ROBO3: variants seen among roughly 807,000 people sequenced by gnomAD.
ROBO3 encodes the protein roundabout guidance receptor 3, also known as roundabout homolog 3.
Under a neutral mutation model 160.5 loss-of-function variants are expected in ROBO3, and 97 were observed. The observed-to-expected ratio is 0.60, with a 90% CI of 0.51 to 0.72. ROBO3 has a LOEUF of 0.72. ROBO3 is among the 30% of genes least tolerant of loss of function. ROBO3 has a pLI of 0.00. For missense variants in ROBO3, 1,858 were observed against 1,846.5 expected, an observed-to-expected ratio of 1.01 and a Z score of -0.11; for synonymous variants, 780 against 746.2, an observed-to-expected ratio of 1.05 and a Z score of -0.74.
At position 124,873,672 on chromosome 11, in the gene ROBO3, A is replaced by C. The variant is rs1946309322; in HGVS notation, c.1619-25A>C. The C allele has an allele frequency of 9.5e-6, 15 of 1,583,738 alleles. No individual in the cohort carries two copies. The highest frequency in any genetic ancestry group is 1.4e-5 in the African/African-American group (1 of 73,862). The stretch of plus-strand genomic sequence containing the variant: ...AGGATTATCCTTTCCCTATCTTTCT[A>C]CTTAAAGATTATCTCCCACTGCAGA... On this transcript the variant is annotated intron_variant, in intron 10 of 27. Coordinates refer to ENST00000397801, the MANE Select transcript of ROBO3 (RefSeq NM_022370.4). The surrounding 1 kb of genome is among the most constrained non-coding windows in gnomAD (Gnocchi z 4.5).
Position 124,874,912 on chromosome 11 carries a change from G to A in ROBO3, c.2073+3G>A. On this transcript the variant is annotated splice_donor_region_variant and intron_variant, in intron 13 of 27. Transcript: ENST00000397801. Reference sequence around the variant, plus strand: ...GGACCCTGCAGGTGTCCTGGACTGTGAGTGTGGTATGGGGAGGAGATTCAG... The same window carrying A: ...GGACCCTGCAGGTGTCCTGGACTGTAAGTGTGGTATGGGGAGGAGATTCAG... The A allele has an allele frequency of 6.2e-7, 1 of 1,604,276 alleles. No individual in the cohort carries two copies. Among genetic ancestry groups the A allele is most frequent in the Non-Finnish European group, 8.5e-7 (1 of 1,175,580 alleles).
intron 4 of ROBO3, 39 bp from the exon 5 acceptor site, chr11:124,870,126 T>C: frequency 6.2e-7 from 1 of 1,614,040 alleles, no homozygotes; most frequent in Non-Finnish European, 8.5e-7. Context: ...TAAGTAGCCG[T>C]GCAGACACCC....
Position 124,870,716 on chromosome 11 carries a change from C to G in ROBO3, c.1021C>G (p.Leu341Val). 6.2e-7 allele frequency: 1 copy of G among 1,611,696 alleles called. No homozygotes were observed. Among genetic ancestry groups the G allele is most frequent in the South Asian group, 1.1e-5 (1 of 90,384 alleles). The change falls in exon 6 of 28, where the codon CTC (leucine) becomes GTC (valine). Residue 341 changes from leucine to valine, a missense_variant. By Grantham distance (32) the Leu-to-Val change is conservative (BLOSUM62 1). Transcript: ENST00000397801. ...SVGRAEASGS[L>V]SVHVPPQLVT... ...GGGCCGCGCTGAAGCATCTGGCTCCCTCAGTGTTCACGGTGAGGGCTGTAC... is the reference window on the plus strand; with the variant it reads ...GGGCCGCGCTGAAGCATCTGGCTCCGTCAGTGTTCACGGTGAGGGCTGTAC...
At chr11:124,866,509 G>T (rs1946198579) in intron 1 of ROBO3, among the ~76,000 whole-genome samples, 1 of 152,212 alleles carries the variant, frequency 6.6e-6, no homozygotes. Context: ...TTCGCGTGTG[G>T]TTCCCTCCAG....
rs765703384 is a variant in ROBO3 at position 124,869,874 on chromosome 11, TAC to T, written c.646-70_646-69del. On this transcript the variant is annotated intron_variant, in intron 3 of 27. Transcript: ENST00000397801. The surrounding 1 kb of genome is among the most constrained non-coding windows in gnomAD (Gnocchi z 4.2). ...CAAATAAACTTTATACATATGTATA[TAC>T]ACATATATTCACCATATATATATAC... The T allele has an allele frequency of 1.1e-4, 174 of 1,521,624 alleles. No individual in the cohort carries two copies. The highest frequency in any genetic ancestry group is 3.5e-4 in the Middle Eastern group (2 of 5,720). 94.3% of individuals were successfully genotyped at this position (1,521,624 alleles called of 1,614,324 possible).
At position 124,879,915 on chromosome 11, in the gene ROBO3, C is replaced by T. The variant is rs2135348668; in HGVS notation, c.3925C>T (p.Pro1309Ser). 6.2e-7 allele frequency: 1 copy of T among 1,600,316 alleles called. No individual in the cohort carries two copies. The highest frequency in any genetic ancestry group is 8.5e-7 in the Non-Finnish European group (1 of 1,174,088). The change falls in exon 26 of 28, where the codon CCC becomes TCC. Residue 1309 changes from proline (P) to serine (S), a missense_variant. Transcript: ENST00000397801. The part of the protein sequence containing the change: ...SGERKAVQAV[P>S]LAAQRVLHPD... ...GGAGAGGAAAGCGGTCCAGGCCGTG[C>T]CCCTGGCAGCCCAGCGGGTGCTCCA...
Position 124,870,252 on chromosome 11 carries a change from C to A in ROBO3, c.854C>A (p.Pro285His). ...VTFLCEVKGDPPPRLRWRKED... is the reference protein window; with the variant it reads ...VTFLCEVKGDHPPRLRWRKED... ...TTCCTATGTGAGGTGAAGGGGGATC[C>A]CCCACCTCGTCTACGCTGGCGCAAG... Residue 285 changes from proline to histidine, a missense_variant, in exon 5 of 28, where the codon CCC becomes CAC. Transcript: ENST00000397801. 1.2e-6 allele frequency: 2 copies of A among 1,613,984 alleles called. No homozygotes were observed. The highest frequency in any genetic ancestry group is 1.7e-6 in the Non-Finnish European group (2 of 1,179,890).
In ROBO3 at chr11:124,870,006, TGTGCGTA is replaced by T. The variant is rs1946258385; in HGVS notation, c.706_712del (p.Cys236ProfsTer28). On this transcript the variant is annotated frameshift_variant, in exon 4 of 28. Coordinates refer to ENST00000397801, the MANE Select transcript of ROBO3 (RefSeq NM_022370.4). LOFTEE classifies it high-confidence loss of function. ...CTCAAGAGCGATGCAGGCATGTATG[TGTGCGTA>T]GCCTCCAACATGGCGGGAGAACGGG... is the stretch of plus-strand genomic sequence containing the variant. The T allele has an allele frequency of 6.2e-7, 1 of 1,613,810 alleles. No homozygotes were observed. The highest frequency in any genetic ancestry group is 1.7e-5 in the Admixed American group (1 of 60,006).
At position 124,873,777 on chromosome 11, in the gene ROBO3, A is replaced by C. The variant is rs763152771; in HGVS notation, c.1699A>C (p.Ile567Leu). 1.2e-6 allele frequency: 2 copies of C among 1,613,940 alleles called. No homozygotes were observed. Among genetic ancestry groups the C allele is most frequent in the East Asian group, 2.2e-5 (1 of 44,888 alleles). The change falls in exon 11 of 28, where the codon ATC (isoleucine) becomes CTC (leucine). Residue 567 changes from isoleucine (I) to leucine (L), a missense_variant. Physicochemically the swap from Ile to Leu is conservative, Grantham distance 5 (BLOSUM62 2). Transcript: ENST00000397801. This position sits in a 1 kb window ranked among gnomAD's most constrained non-coding sequence, Gnocchi z 4.5. The stretch of plus-strand genomic sequence containing the variant: ...TCCCTCTCAGCCAGTGGTCACTGAG[A>C]TCACCAAGAACAGCATTACCCTGAC... The part of the protein sequence containing the change: ...GAPSQPVVTE[I>L]TKNSITLTWK...
At chr11:124,877,361 T>G in intron 19 of ROBO3, 52 bp downstream of exon 19, 1 of 1,609,232 alleles carries the variant, frequency 6.2e-7, no homozygotes, top group Non-Finnish European at 8.5e-7. Flanking sequence ...CAGGCCACTC[T>G]TCTTCCGCCC....
rs1591508196 is a variant in ROBO3 at position 124,868,947 on chromosome 11, G to C, written c.306G>C (p.Ala102=). The C allele has an allele frequency of 1.2e-6, 2 of 1,605,998 alleles. No homozygotes were observed. The highest frequency in any genetic ancestry group is 1.7e-6 in the Non-Finnish European group (2 of 1,177,058). The change falls in exon 2 of 28, where the codon GCG becomes GCC. Residue 102 remains alanine (A), a synonymous_variant. Transcript: ENST00000397801. ...RPNIEWYKNG[A]RVATVREDPR... The stretch of plus-strand genomic sequence containing the variant: ...ACATTGAGTGGTACAAGAACGGGGC[G>C]CGTGTGGCCACTGTGCGGGAGGATC...
At chr11:124,880,384 C>G in intron 26 of ROBO3, 34 bp from the exon 27 acceptor site, 7 of 1,610,438 alleles carry the variant, frequency 4.3e-6, no homozygotes, top group Non-Finnish European at 5.9e-6. Context: ...TGCTTCCTGC[C>G]TGCACCTGGC....
Position 124,876,010 on chromosome 11 carries a change from G to T in ROBO3, c.2478G>T (p.Trp826Cys). The change falls in exon 16 of 28, where the codon TGG (tryptophan) becomes TGT (cysteine). Residue 826 changes from tryptophan (W) to cysteine (C), a missense_variant. Coordinates refer to ENST00000397801, the MANE Select transcript of ROBO3 (RefSeq NM_022370.4). The surrounding 1 kb of genome is among the most constrained non-coding windows in gnomAD (Gnocchi z 5.3). ...RFHLNRSAAG[W>C]ARSAMLRGLV... ...ACCTCAATCGATCTGCAGCAGGCTG[G>T]GCACGCTCCGCAATGCTCCGAGGAC... is the stretch of plus-strand genomic sequence containing the variant. 1 of 1,601,218 alleles carries T rather than the reference G, an allele frequency of 6.2e-7. No individual in the cohort carries two copies.
intron 25 of ROBO3, 29 bp downstream of exon 25, chr11:124,879,604 G>A (rs1185099653): frequency 6.3e-7 from 1 of 1,584,022 alleles, no homozygotes; most frequent in African/African-American, 1.3e-5. Context: ...GGGAGATGGT[G>A]ACAGTAGTGG....
intron 12 of ROBO3, among the ~76,000 whole-genome samples, chr11:124,874,575 G>A (rs74809516): frequency 0.012 from 1,854 of 152,312 alleles, 40 homozygotes; most frequent in African/African-American, 0.042. Context: ...TTAGAGATGA[G>A]GAACTGAGGC....
In ROBO3 at chr11:124,868,942, G is replaced by C; in HGVS notation, c.301G>C (p.Gly101Arg). The part of the protein sequence containing the change: ...PRPNIEWYKN[G>R]ARVATVREDP... ...ACCCAACATTGAGTGGTACAAGAAC[G>C]GGGCGCGTGTGGCCACTGTGCGGGA... The change falls in exon 2 of 28, where the codon GGG (glycine) becomes CGG (arginine). Residue 101 changes from glycine (G) to arginine (R), a missense_variant. Transcript: ENST00000397801. The C allele has an allele frequency of 6.2e-7, 1 of 1,606,468 alleles. No homozygotes were observed. Among genetic ancestry groups the C allele is most frequent in the Non-Finnish European group, 8.5e-7 (1 of 1,177,278 alleles).
chr11:124,876,038 G>C lies in ROBO3; in HGVS notation c.2506G>C (p.Val836Leu). 1 of 1,607,362 alleles carries C rather than the reference G, an allele frequency of 6.2e-7. No individual in the cohort carries two copies. Among genetic ancestry groups the C allele is most frequent in the Non-Finnish European group, 8.5e-7 (1 of 1,177,614 alleles). Residue 836 changes from valine (V) to leucine (L), a missense_variant, in exon 16 of 28, where the codon GTG becomes CTG. Val to Leu is a conservative substitution (Grantham distance 32, BLOSUM62 1). Transcript: ENST00000397801. This position sits in a 1 kb window ranked among gnomAD's most constrained non-coding sequence, Gnocchi z 5.3. ...WARSAMLRGL[V>L]PGLLYRTLVA... ...ACGCTCCGCAATGCTCCGAGGACTG[G>C]TGCCCGGTCTCCTCTATCGAACCCT... is the stretch of plus-strand genomic sequence containing the variant.
At position 124,877,318 on chromosome 11, in the gene ROBO3, CTT is replaced by C. The variant is rs769278077; in HGVS notation, c.2846+10_2846+11del. 1 of 1,613,872 alleles carries C rather than the reference CTT, an allele frequency of 6.2e-7. No homozygotes were observed. The highest frequency in any genetic ancestry group is 1.1e-5 in the South Asian group (1 of 91,070). On this transcript the variant is annotated intron_variant, in intron 19 of 27. Coordinates refer to ENST00000397801, the MANE Select transcript of ROBO3 (RefSeq NM_022370.4). The stretch of plus-strand genomic sequence containing the variant: ...TCTGGAGCCAGTTCCAGGTAATTCT[CTT>C]AGCCCATTTCCTCAGGATGACCTCC...
Position 124,873,466 on chromosome 11 carries a change from C to A in ROBO3, c.1618+75C>A. On this transcript the variant is annotated intron_variant, in intron 10 of 27. Coordinates refer to ENST00000397801, the MANE Select transcript of ROBO3 (RefSeq NM_022370.4). This position sits in a 1 kb window ranked among gnomAD's most constrained non-coding sequence, Gnocchi z 4.5. ...TGCTTCAACAGGTAGTCGATACCTC[C>A]TCAAACTCCGGGATTAACTTTATGT... 1.6e-6 allele frequency: 2 copies of A among 1,284,686 alleles called. No individual in the cohort carries two copies. Among genetic ancestry groups the A allele is most frequent in the Non-Finnish European group, 2.2e-6 (2 of 902,384 alleles). The allele number at this position is 1,284,686 out of a possible 1,614,324, so 79.6% of individuals were successfully genotyped here. A position where few individuals can be genotyped will look rare whatever the true frequency, so the allele number is the denominator to read the frequency against.
Sources: allele counts gnomAD v4.1 joint callset (sites outside exome capture counted in the v4.1 genomes callset), GRCh38; gene constraint gnomAD v4.1.1; non-coding constraint Gnocchi (gnomAD v3.1); transcripts MANE v1.5; gene names NCBI Gene and HGNC (gene_info 2026-07-23, HGNC 2026-07-21).